Variants in MS4A3 observed in about 807,000 individuals in gnomAD.
MS4A3 encodes the protein membrane-spanning 4-domains subfamily A member 3.
MS4A3 carries 18 observed loss-of-function variants against 24.7 expected under a neutral mutation model. The ratio of observed to expected loss-of-function variants is 0.73; its 90% CI spans 0.50 to 1.08. MS4A3 has a LOEUF of 1.08. Among genes scored for constraint, MS4A3 ranks in the 50% least tolerant of loss-of-function variants. The pLI is 0.00. For missense variants in MS4A3, 282 were observed against 251.7 expected (o/e 1.12, Z -0.82); for synonymous variants, 84 against 95.3 (o/e 0.88, Z 0.69).
intron 4 of MS4A3, among the ~76,000 whole-genome samples, chr11:60,065,344 G>T (rs1855343599): frequency 6.7e-6 from 1 of 150,124 alleles, no homozygotes; most frequent in Non-Finnish European, 1.5e-5. Context: ...GAGTTACCTT[G>T]CCCCATCTCT....
rs1247345362 is a variant in MS4A3, at chr11:60,067,100, C to G, written c.501C>G (p.Gly167=). ...CACCGGACCTATGCAATTACATGGG[C>G]TCCATATCAAATGTATGTTTCTGAA... ...SESPDLCNYM[G]SISNGMVSLL... is the part of the protein sequence containing the mutation. The change falls in exon 5 of 7, where the codon GGC becomes GGG. Residue 167 remains glycine, a synonymous_variant. Transcript: ENST00000278865. 6.2e-7 allele frequency: 1 copy of G among 1,604,712 alleles called. No individual in the cohort carries two copies. The highest frequency in any genetic ancestry group is 1.1e-5 in the South Asian group (1 of 89,016).
chr11:60,062,976 T>C (rs566087988), intron 3 of MS4A3, among the ~76,000 whole-genome samples: 31 of 152,094 alleles, frequency 2.0e-4, no homozygotes, highest in African/African-American at 6.7e-4. Flanking sequence ...TTTTGTATTT[T>C]TAGTAGAGAC....
chr11:60,060,199 GA>G (rs540399492), intron 1 of MS4A3, among the ~76,000 whole-genome samples: 392 of 152,242 alleles, frequency 2.6e-3, no homozygotes, highest in African/African-American at 8.6e-3. Flanking sequence ...GTTAAAAGCT[GA>G]TACCACCTGT....
At chr11:60,067,843 C>T (rs999678868) in intron 5 of MS4A3, among the ~76,000 whole-genome samples, 41 of 151,078 alleles carry the variant, frequency 2.7e-4, no homozygotes, top group African/African-American at 9.0e-4. Flanking sequence ...GTCGAGAGAT[C>T]GAGACCACCC....
At chr11:60,068,868 G>A (rs1238578451) in intron 5 of MS4A3, among the ~76,000 whole-genome samples, 1 of 138,734 alleles carries the variant, frequency 7.2e-6, no homozygotes, top group Non-Finnish European at 1.6e-5. Flanking sequence ...CCCACCCCAC[G>A]ACAGGCCCTG....
At chr11:60,066,853 G>A in intron 4 of MS4A3, 98 bp from the exon 5 acceptor site, 1 of 995,458 alleles carries the variant, frequency 1.0e-6, no homozygotes, top group Non-Finnish European at 1.4e-6. Flanking sequence ...CAGTGGGTGT[G>A]TAAACAATAT....
chr11:60,062,331 C>T (rs506053), intron 2 of MS4A3, 137 bp from the exon 3 acceptor site: 643,258 of 1,029,954 alleles, frequency 0.62, 202,399 homozygotes, highest in East Asian at 0.79. Context: ...GATAAGCTCT[C>T]GTTCTGTTAA....
intron 2 of MS4A3, among the ~76,000 whole-genome samples, chr11:60,062,120 G>C (rs1855285615): frequency 6.6e-6 from 1 of 152,186 alleles, no homozygotes; most frequent in South Asian, 2.1e-4. Flanking sequence ...CTTATCCTCT[G>C]TCTGCCTTCA....
chr11:60,061,277 A>T lies in MS4A3; in HGVS notation c.117A>T (p.Gly39=), dbSNP rs140467073. 3 of 1,613,068 alleles carry T rather than the reference A, an allele frequency of 1.9e-6. No individual in the cohort carries two copies. Among genetic ancestry groups the T allele is most frequent in the Admixed American group, 1.7e-5 (1 of 59,700 alleles). The change falls in exon 2 of 7, where the codon GGA becomes GGT. Residue 39 remains glycine, a synonymous_variant. Transcript: ENST00000278865. ...CTTCTGTCTACCAGCCCATAGATGG[A>T]TCACCAGATTATCAGAAAGCAAAAT... ...LNTSVYQPID[G]SPDYQKAKLQ... is the part of the protein sequence containing the mutation.
intron 5 of MS4A3, 74 bp downstream of exon 5, chr11:60,067,186 AG>A: frequency 1.8e-6 from 2 of 1,108,338 alleles, no homozygotes; most frequent in Non-Finnish European, 1.3e-6. Flanking sequence ...ATAATATATC[AG>A]GTACCAATGT....
chr11:60,067,786 G>A (rs572285561), intron 5 of MS4A3, among the ~76,000 whole-genome samples: 7 of 151,666 alleles, frequency 4.6e-5, no homozygotes, highest in Non-Finnish European at 7.4e-5. Context: ...GGTGGCTCAC[G>A]CCTGTAATCC....
At chr11:60,058,684 G>T (rs935874515) in intron 1 of MS4A3, among the ~76,000 whole-genome samples, 1 of 152,028 alleles carries the variant, frequency 6.6e-6, no homozygotes, top group Non-Finnish European at 1.5e-5. Flanking sequence ...AATAAGGCTG[G>T]ATGGAGTTTT....
intron 5 of MS4A3, 84 bp downstream of exon 5, chr11:60,067,196 G>A: frequency 1.0e-6 from 1 of 960,546 alleles, no homozygotes; most frequent in Non-Finnish European, 1.5e-6. Context: ...AGGTACCAAT[G>A]TGCCATAATT....
intron 1 of MS4A3, among the ~76,000 whole-genome samples, chr11:60,058,318 C>G (rs567094505): frequency 2.0e-5 from 3 of 150,840 alleles, no homozygotes; most frequent in Non-Finnish European, 4.4e-5. Flanking sequence ...ACCAGCCTGG[C>G]CAACATGGTA....
At chr11:60,064,046 A>G (rs557035166) in intron 3 of MS4A3, among the ~76,000 whole-genome samples, 1 of 147,400 alleles carries the variant, frequency 6.8e-6, no homozygotes, top group South Asian at 2.2e-4. Flanking sequence ...TAAAATGAAT[A>G]AAACTAATTG....
At chr11:60,066,179 A>G (rs766386454) in intron 4 of MS4A3, among the ~76,000 whole-genome samples, 2 of 152,168 alleles carry the variant, frequency 1.3e-5, no homozygotes, top group Non-Finnish European at 2.9e-5. Context: ...TCAAGCTATT[A>G]TTATATCCAG....
At position 60,062,817 on chromosome 11, in the gene MS4A3, G is replaced by A. The variant is rs371564254; in HGVS notation, c.294+212G>A. ...TAATTAATTTATTTTTTGAGACAAAGTCTCGATCTGCCATCCAGGCTGGAG... is the reference window on the plus strand; with the variant it reads ...TAATTAATTTATTTTTTGAGACAAAATCTCGATCTGCCATCCAGGCTGGAG... On this transcript the variant is annotated intron_variant, in intron 3 of 6. Transcript: ENST00000278865. 7.0e-4 allele frequency: 221 copies of A among 316,682 alleles called. 1 individual carries two copies. The highest frequency in any genetic ancestry group is 4.4e-3 in the African/African-American group (201 of 45,784). 19.6% of individuals were successfully genotyped at this position (316,682 alleles called of 1,614,324 possible).
At position 60,065,062 on chromosome 11, in the gene MS4A3, C is replaced by T. The variant is rs116360594; in HGVS notation, c.351+744C>T. On this transcript the variant is annotated intron_variant, in intron 4 of 6. Transcript: ENST00000278865. ...GTCTCTCTGCTATATATATATTTTTCGAGTCTCACTCTGTCACCCAGATGG... is the reference window on the plus strand; with the variant it reads ...GTCTCTCTGCTATATATATATTTTTTGAGTCTCACTCTGTCACCCAGATGG... Among the ~76,000 whole-genome samples, 1,245 of 152,080 alleles carry T rather than the reference C, an allele frequency of 8.2e-3. 20 individuals carry two copies. Among genetic ancestry groups the T allele is most frequent in the African/African-American group, 0.028 (1,159 of 41,464 alleles).
chr11:60,069,729 G>T, intron 6 of MS4A3, 54 bp downstream of exon 6: 3 of 1,353,326 alleles, frequency 2.2e-6, no homozygotes, highest in East Asian at 2.3e-5. Context: ...CTCCCTGTAG[G>T]GTTTGAAGTT....
Sources: allele counts gnomAD v4.1 joint callset (sites outside exome capture counted in the v4.1 genomes callset), GRCh38; gene constraint gnomAD v4.1.1; transcripts MANE v1.5; gene names NCBI Gene and HGNC (gene_info 2026-07-23, HGNC 2026-07-21).